The following PXDNL variants were observed in gnomAD, a reference collection of about 807,000 sequenced individuals.
PXDNL encodes probable oxidoreductase PXDNL.
In PXDNL, 145 loss-of-function variants were observed where a neutral mutation model predicts 150.8. That is an observed-to-expected ratio of 0.96 (90% confidence interval 0.84 to 1.10). The LOEUF (loss-of-function observed/expected upper bound fraction) is 1.10. PXDNL is among the 50% of genes least tolerant of loss of function. The pLI, the probability that PXDNL is intolerant of heterozygous loss-of-function variation, is 0.00. For missense variants in PXDNL, 2,087 were observed against 1,873.9 expected (o/e 1.11, Z -2.10); for synonymous variants, 757 against 725.7 (o/e 1.04, Z -0.69).
chr8:51,791,045 T>C (rs140564897), intron 1 of PXDNL, among the ~76,000 whole-genome samples: 4 of 152,070 alleles, frequency 2.6e-5, no homozygotes, highest in African/African-American at 9.6e-5. Context: ...ACATGGTAAA[T>C]AAGCACAAAA....
At chr8:51,429,367 G>C (rs1809195328) in intron 12 of PXDNL, among the ~76,000 whole-genome samples, 1 of 152,118 alleles carries the variant, frequency 6.6e-6, no homozygotes, top group Non-Finnish European at 1.5e-5. Flanking sequence ...ATCACCTGAG[G>C]TCAAGAGTTT....
At chr8:51,653,508 T>C (rs905029761) in intron 2 of PXDNL, among the ~76,000 whole-genome samples, 2 of 152,162 alleles carry the variant, frequency 1.3e-5, no homozygotes, top group Admixed American at 1.3e-4. Context: ...GGCTAGGAAT[T>C]TGCATGTCCA....
chr8:51,408,727 G>A lies in PXDNL; in HGVS notation c.2897C>T (p.Ala966Val). The change falls in exon 17 of 23, where the codon GCT becomes GTT. Residue 966 changes from alanine (A) to valine (V), a missense_variant. Transcript: ENST00000356297. ...AGDHRANEHL[A>V]LAAMHTLWFR... ...CCACAGGGTGTGCATGGCGGCCAGA[G>A]CCAGATGCTCGTTGGCCCGGTGGTC... 6.3e-7 allele frequency: 1 copy of A among 1,591,506 alleles called. No homozygotes were observed. Among genetic ancestry groups the A allele is most frequent in the Non-Finnish European group, 8.6e-7 (1 of 1,168,838 alleles).
chr8:51,733,893 G>GA (rs1009384230), intron 1 of PXDNL, among the ~76,000 whole-genome samples: 1 of 147,618 alleles, frequency 6.8e-6, no homozygotes, highest in African/African-American at 2.5e-5. Context: ...ACATATAAAG[G>GA]AAAAAACAAA....
At chr8:51,426,893 C>A in intron 12 of PXDNL, 135 bp from the exon 13 acceptor site, 1 of 580,418 alleles carries the variant, frequency 1.7e-6, no homozygotes, top group South Asian at 2.1e-5. Flanking sequence ...ATTACTTGGA[C>A]GTCTAGGGGA....
chr8:51,809,039 A>C (rs1296545472), intron 1 of PXDNL, 142 bp downstream of exon 1: 1 of 810,356 alleles, frequency 1.2e-6, no homozygotes, highest in African/African-American at 1.8e-5. Context: ...GAACCATGAA[A>C]TTGTTTGAAA....
intron 21 of PXDNL, among the ~76,000 whole-genome samples, chr8:51,326,802 C>A (rs2130624435): frequency 6.6e-6 from 1 of 152,210 alleles, no homozygotes; most frequent in East Asian, 1.9e-4. Context: ...CTGCATCACT[C>A]CCCAAATTCA....
At chr8:51,423,224 AG>A in intron 14 of PXDNL, among the ~76,000 whole-genome samples, 1 of 152,328 alleles carries the variant, frequency 6.6e-6, no homozygotes, top group East Asian at 1.9e-4. Context: ...TAGAGTATGT[AG>A]TACATGTTGA....
chr8:51,644,335 TATAC>T lies in PXDNL; in HGVS notation c.236+10350_236+10353del, dbSNP rs1448050211. On this transcript the variant is annotated intron_variant, in intron 2 of 22. Coordinates refer to ENST00000356297, the MANE Select transcript of PXDNL (RefSeq NM_144651.5). ...GCACATTTTTACATATATATATATA[TATAC>T]ACACACACACACACACACACACACA... Among the ~76,000 whole-genome samples the T allele has an allele frequency of 6.6e-4, 32 of 48,696 alleles. 1 individual carries two copies. Among genetic ancestry groups the T allele is most frequent in the African/African-American group, 1.3e-3 (30 of 22,768 alleles). 31.9% of individuals were successfully genotyped at this position (48,696 alleles called of 152,430 possible).
At chr8:51,632,255 A>G (rs1425306808) in intron 2 of PXDNL, among the ~76,000 whole-genome samples, 1 of 152,186 alleles carries the variant, frequency 6.6e-6, no homozygotes, top group East Asian at 1.9e-4. Flanking sequence ...ATAACAATAT[A>G]GAGGACTTGA....
chr8:51,712,012 T>C (rs189707232), intron 1 of PXDNL, among the ~76,000 whole-genome samples: 5 of 152,236 alleles, frequency 3.3e-5, no homozygotes, highest in Admixed American at 3.3e-4. Flanking sequence ...CAGTCTCAAA[T>C]CCATCTCCCT....
At chr8:51,543,725 A>AAAAAAAG (rs1812279372) in intron 4 of PXDNL, among the ~76,000 whole-genome samples, 1 of 149,792 alleles carries the variant, frequency 6.7e-6, no homozygotes, top group African/African-American at 2.5e-5. Flanking sequence ...AAAAAAAAAA[A>AAAAAAAG]AAAAAAGAAA....
chr8:51,771,956 GC>G (rs59194418), intron 1 of PXDNL, among the ~76,000 whole-genome samples: 21,640 of 151,820 alleles, frequency 0.14, 2,838 homozygotes, highest in African/African-American at 0.34. Context: ...TCCCCAGAAA[GC>G]AAAAGTATCC....
rs1030701653 is a variant in PXDNL, at chr8:51,561,472, G to A, written c.309-4561C>T. On this transcript the variant is annotated intron_variant, in intron 3 of 22. Coordinates refer to ENST00000356297, the MANE Select transcript of PXDNL (RefSeq NM_144651.5). ...GGATCACTTGAGCCCAGAAGTTCAAGACCAGTCTGGAAAGATGAGATAGCA... is the reference window on the plus strand; with the variant it reads ...GGATCACTTGAGCCCAGAAGTTCAAAACCAGTCTGGAAAGATGAGATAGCA... 1.1e-4 allele frequency among the ~76,000 whole-genome samples: 16 copies of A among 151,816 alleles called. No individual in the cohort carries two copies. The Admixed American group carries it at 1.1e-3, about 10-fold the overall frequency.
intron 4 of PXDNL, among the ~76,000 whole-genome samples, chr8:51,534,370 C>T (rs961518243): frequency 6.8e-6 from 1 of 147,188 alleles, no homozygotes; most frequent in South Asian, 2.2e-4. Context: ...GGTCAGCCCC[C>T]GCCAGGCCAG....
intron 19 of PXDNL, among the ~76,000 whole-genome samples, chr8:51,371,535 A>G (rs1807113177): frequency 6.6e-6 from 1 of 152,216 alleles, no homozygotes. Context: ...CTCTTTTGTT[A>G]GATGAACCCC....
chr8:51,360,374 A>G (rs927187804), intron 19 of PXDNL, among the ~76,000 whole-genome samples: 2 of 152,226 alleles, frequency 1.3e-5, no homozygotes, highest in African/African-American at 4.8e-5. Flanking sequence ...ATACCTATTC[A>G]TGCATATGAC....
intron 2 of PXDNL, among the ~76,000 whole-genome samples, chr8:51,644,684 C>T (rs573228476): frequency 1.6e-4 from 25 of 151,696 alleles, no homozygotes; most frequent in Non-Finnish European, 3.5e-4. Flanking sequence ...GTCTCGATCT[C>T]CTGACCTCAT....
chr8:51,541,802 AC>A (rs1462032358), intron 4 of PXDNL, among the ~76,000 whole-genome samples: 1 of 151,962 alleles, frequency 6.6e-6, no homozygotes, highest in African/African-American at 2.4e-5. Context: ...CACAGAGATC[AC>A]CCCGTGTGTC....
Sources: allele counts gnomAD v4.1 joint callset (sites outside exome capture counted in the v4.1 genomes callset), GRCh38; gene constraint gnomAD v4.1.1; transcripts MANE v1.5; gene names NCBI Gene and HGNC (gene_info 2026-07-23, HGNC 2026-07-21).